The following RBM4B variants were observed in gnomAD, a reference collection of about 807,000 sequenced individuals.
RBM4B encodes the protein RNA-binding protein 4B.
In RBM4B, 13 loss-of-function variants were observed where a neutral mutation model predicts 28.5. The observed-to-expected ratio is 0.46, with a 90% confidence interval of 0.30 to 0.72. RBM4B has a LOEUF of 0.72. RBM4B is among the 30% of genes least tolerant of loss of function. The probability of loss-of-function intolerance (pLI) is 0.09; values close to 1 mark genes in which losing one functional copy is unlikely to be tolerated. For missense variants in RBM4B, 387 were observed against 477.6 expected, an observed-to-expected ratio of 0.81 and a Z score of 1.77; for synonymous variants, 167 against 179.1, an observed-to-expected ratio of 0.93 and a Z score of 0.54.
chr11:66,670,948 G>A (rs1314801563), intron 2 of RBM4B: 2 of 702,524 alleles, frequency 2.8e-6, no homozygotes, highest in Admixed American at 2.0e-5. Flanking sequence ...TCTTCTGGAT[G>A]CAGCTATGCG....
At position 66,676,992 on chromosome 11, in the gene RBM4B, C is replaced by A. The variant is rs1439628465; in HGVS notation, c.88G>T (p.Glu30Ter). The A allele has an allele frequency of 2.5e-6, 4 of 1,614,158 alleles. No homozygotes were observed. Among genetic ancestry groups the A allele is most frequent in the Non-Finnish European group, 3.4e-6 (4 of 1,180,036 alleles). Residue 30 changes from glutamate (E) to a stop codon, truncating the protein, a stop_gained, in exon 2 of 4, where the codon GAA (glutamate) becomes TAA (stop). Transcript: ENST00000310046. LOFTEE classifies it high-confidence loss of function. Reference protein sequence around the residue: ...SLFEQYGKVLECDIIKNYGFV... With the variant: ...SLFEQYGKVL ...CCGTAATTCTTAATGATGTCACATT[C>A]CAGCACCTTCCCATACTGCTCGAAG... is the stretch of plus-strand genomic sequence containing the variant.
chr11:66,665,652 G>T, intron 3 of RBM4B, 74 bp from the exon 4 acceptor site: 1 of 1,531,014 alleles, frequency 6.5e-7, no homozygotes, highest in Non-Finnish European at 8.7e-7. Context: ...AAGCGCCCTG[G>T]GTCCTGTCCT....
chr11:66,676,532 A>G, intron 2 of RBM4B, 136 bp downstream of exon 2: 2 of 1,061,162 alleles, frequency 1.9e-6, no homozygotes, highest in South Asian at 1.6e-5. Context: ...TATGCTTAAG[A>G]GCGGTAAACA....
intron 2 of RBM4B, among the ~76,000 whole-genome samples, chr11:66,670,080 C>T (rs887308838): frequency 1.3e-5 from 2 of 152,192 alleles, no homozygotes; most frequent in African/African-American, 4.8e-5. Flanking sequence ...ATCAATAGTC[C>T]GTCCATCTTG....
chr11:66,671,193 C>G (rs533181655), intron 2 of RBM4B, among the ~76,000 whole-genome samples: 1 of 152,284 alleles, frequency 6.6e-6, no homozygotes, highest in East Asian at 1.9e-4. Flanking sequence ...CCACTATCAC[C>G]AATAGAGTCA....
At chr11:66,665,608 C>T in intron 3 of RBM4B, 30 bp from the exon 4 acceptor site, 1 of 1,535,904 alleles carries the variant, frequency 6.5e-7, no homozygotes, top group Non-Finnish European at 8.7e-7. Context: ...AAGAGGCTTA[C>T]ACAATGCCTG....
chr11:66,674,721 C>T (rs1939588686), intron 2 of RBM4B, among the ~76,000 whole-genome samples: 1 of 152,030 alleles, frequency 6.6e-6, no homozygotes, highest in South Asian at 2.1e-4. Flanking sequence ...GCACACACTA[C>T]CACGCCTTGC....
chr11:66,668,780 A>G lies in RBM4B; in HGVS notation c.924T>C (p.Arg308=), dbSNP rs1182253911. The change falls in exon 3 of 4, where the codon CGT becomes CGC. Residue 308 remains arginine (R), a synonymous_variant. Transcript: ENST00000310046. ...YYGRDRSPLR[R]AAAMLPTVGE... ...CAACTGTGGGGAGCATGGCTGCAGC[A>G]CGACGCAGTGGGCTCCTGTCCCTTC... is the stretch of plus-strand genomic sequence containing the variant. 5 of 1,614,110 alleles carry G rather than the reference A, an allele frequency of 3.1e-6. No individual in the cohort carries two copies. The highest frequency in any genetic ancestry group is 4.2e-6 in the Non-Finnish European group (5 of 1,180,052).
chr11:66,672,173 G>A (rs1382676984), intron 2 of RBM4B, among the ~76,000 whole-genome samples: 1 of 151,952 alleles, frequency 6.6e-6, no homozygotes, highest in Non-Finnish European at 1.5e-5. Flanking sequence ...TTGGGAGGCT[G>A]AGGTGAGCCA....
chr11:66,673,650 G>C (rs1939540610), intron 2 of RBM4B, among the ~76,000 whole-genome samples: 1 of 152,094 alleles, frequency 6.6e-6, no homozygotes, highest in Admixed American at 6.5e-5. Flanking sequence ...GTAGAGACAG[G>C]GTTTCACCAT....
chr11:66,665,533 C>G lies in RBM4B; in HGVS notation c.*55G>C. ...CAAAGGGGACCGCGCGGAGCAAGTT[C>G]TCATATATGACCGCAGCCCGAGGGT... is the stretch of plus-strand genomic sequence containing the variant. On this transcript the variant is annotated 3_prime_UTR_variant, in exon 4 of 4. Transcript: ENST00000310046. 1.4e-6 allele frequency: 2 copies of G among 1,471,064 alleles called. No homozygotes were observed. Among genetic ancestry groups the G allele is most frequent in the Non-Finnish European group, 1.8e-6 (2 of 1,087,474 alleles). 91.1% of individuals were successfully genotyped at this position (1,471,064 alleles called of 1,614,324 possible).
chr11:66,668,999 CGCCGCTGCTACT>C lies in RBM4B; in HGVS notation c.693_704del (p.Val232_Ala235del). On this transcript the variant is annotated inframe_deletion, in exon 3 of 4. Transcript: ENST00000310046. The stretch of plus-strand genomic sequence containing the variant: ...CGTAGTTGTATGCAGAAGCCGCTGC[CGCCGCTGCTACT>C]GCCTCATAAGAGCGGACCCGGTATC... The C allele has an allele frequency of 6.2e-7, 1 of 1,614,160 alleles. No individual in the cohort carries two copies. The highest frequency in any genetic ancestry group is 8.5e-7 in the Non-Finnish European group (1 of 1,180,018).
chr11:66,672,449 A>C (rs1242841866), intron 2 of RBM4B, among the ~76,000 whole-genome samples: 6 of 148,806 alleles, frequency 4.0e-5, no homozygotes, highest in Non-Finnish European at 4.5e-5. Flanking sequence ...AAACCAAAAC[A>C]ACCAGTCCTT....
intron 3 of RBM4B, chr11:66,665,953 CAGA>C (rs1209349703): frequency 2.0e-6 from 3 of 1,532,462 alleles, no homozygotes; most frequent in Admixed American, 2.0e-5. Context: ...CCAGGAAAAG[CAGA>C]AGATGCTGAG....
At chr11:66,669,440 T>TG in intron 2 of RBM4B, 149 bp from the exon 3 acceptor site, 3 of 772,384 alleles carry the variant, frequency 3.9e-6, no homozygotes, top group Non-Finnish European at 6.1e-6. Flanking sequence ...AAAAAGTAGT[T>TG]GAAGTTTTTT....
chr11:66,669,168 C>A lies in RBM4B; in HGVS notation c.536G>T (p.Arg179Leu). ...AGTAAAGTCTGCCACACGACCCGTA[C>A]GATCTACTGGGCACTCTTTGGACCA... is the stretch of plus-strand genomic sequence containing the variant. ...GHWSKECPVD[R>L]TGRVADFTEQ... The change falls in exon 3 of 4, where the codon CGT becomes CTT. Residue 179 changes from arginine to leucine, a missense_variant. By Grantham distance (102) the Arg-to-Leu change is moderately radical (BLOSUM62 -2). Around this residue, in one of 2 missense-constraint regions of RBM4B, gnomAD observed 161 missense variants for 256.9 expected, o/e 0.63. Coordinates refer to ENST00000310046, the MANE Select transcript of RBM4B (RefSeq NM_031492.4). 2 of 1,614,186 alleles carry A rather than the reference C, an allele frequency of 1.2e-6. No homozygotes were observed. Among genetic ancestry groups the A allele is most frequent in the East Asian group, 2.2e-5 (1 of 44,888 alleles).
chr11:66,671,155 C>T (rs1383419054), intron 2 of RBM4B, among the ~76,000 whole-genome samples: 3 of 152,188 alleles, frequency 2.0e-5, no homozygotes, highest in Non-Finnish European at 4.4e-5. Context: ...AGGCTTTATA[C>T]CTCCAACTGC....
intron 2 of RBM4B, chr11:66,671,000 T>C (rs1485160745): frequency 1.4e-6 from 1 of 702,582 alleles, no homozygotes; most frequent in Admixed American, 2.0e-5. Context: ...GAAATAGCCC[T>C]ATTGAGGACG....
chr11:66,672,479 TTTTAA>T (rs910433285), intron 2 of RBM4B, among the ~76,000 whole-genome samples: 4 of 148,838 alleles, frequency 2.7e-5, no homozygotes, highest in Admixed American at 1.3e-4. Flanking sequence ...ATAATTAGCC[TTTTAA>T]TTTATTTTTA....
Sources: allele counts gnomAD v4.1 joint callset (sites outside exome capture counted in the v4.1 genomes callset), GRCh38; gene constraint gnomAD v4.1.1; regional missense constraint gnomAD v4.1.1; transcripts MANE v1.5; gene names NCBI Gene and HGNC (gene_info 2026-07-23, HGNC 2026-07-21).